Variants in PLPP3 observed in about 807,000 individuals in gnomAD.
PLPP3 encodes PAP2 beta.
In PLPP3, 6 loss-of-function variants were observed where a neutral mutation model predicts 29.6. That is an observed-to-expected ratio of 0.20 (90% CI 0.11 to 0.40). PLPP3 has a LOEUF of 0.40. PLPP3 is among the 10% of genes least tolerant of loss of function. The pLI, the probability that PLPP3 is intolerant of heterozygous loss-of-function variation, is 1.00. For synonymous variants in PLPP3, 152 were observed against 159.7 expected, an observed-to-expected ratio of 0.95 and a Z score of 0.36; for missense variants, 308 against 407.7, an observed-to-expected ratio of 0.76 and a Z score of 2.11.
At chr1:56,531,010 T>C (rs902245050) in intron 2 of PLPP3, among the ~76,000 whole-genome samples, 1 of 152,212 alleles carries the variant, frequency 6.6e-6, no homozygotes, top group African/African-American at 2.4e-5. Context: ...CTTTGACTTA[T>C]GAGTCTTGTA....
At chr1:56,533,625 G>A (rs1012960973) in intron 2 of PLPP3, among the ~76,000 whole-genome samples, 1 of 152,108 alleles carries the variant, frequency 6.6e-6, no homozygotes, top group African/African-American at 2.4e-5. Context: ...AAAGAAGAGC[G>A]TGCACATAAA....
chr1:56,528,909 T>G (rs1212734683), intron 2 of PLPP3, among the ~76,000 whole-genome samples: 2 of 150,960 alleles, frequency 1.3e-5, no homozygotes, highest in African/African-American at 4.9e-5. Flanking sequence ...CCTACTCTAC[T>G]GTTTTGTGTT....
intron 5 of PLPP3, among the ~76,000 whole-genome samples, chr1:56,499,893 G>A (rs1156701837): frequency 6.6e-6 from 1 of 152,160 alleles, no homozygotes; most frequent in East Asian, 1.9e-4. Flanking sequence ...AGGCTGGGAA[G>A]GGTCTATACA....
At chr1:56,531,731 C>T (rs1393196645) in intron 2 of PLPP3, among the ~76,000 whole-genome samples, 1 of 152,226 alleles carries the variant, frequency 6.6e-6, no homozygotes, top group African/African-American at 2.4e-5. Context: ...GGTTTTAATT[C>T]GTGTTCCCCC....
At chr1:56,564,002 G>A (rs749873630) in intron 1 of PLPP3, among the ~76,000 whole-genome samples, 2 of 152,228 alleles carry the variant, frequency 1.3e-5, no homozygotes, top group Non-Finnish European at 2.9e-5. Context: ...TACAAGGTGT[G>A]ATAATTTCAT....
intron 5 of PLPP3, among the ~76,000 whole-genome samples, chr1:56,511,453 C>T (rs550728287): frequency 6.6e-6 from 1 of 152,248 alleles, no homozygotes; most frequent in South Asian, 2.1e-4. Context: ...AGTTTAGGGT[C>T]TGTGTGAGTC....
chr1:56,554,818 C>G (rs1416774486), intron 1 of PLPP3, among the ~76,000 whole-genome samples: 4 of 152,088 alleles, frequency 2.6e-5, no homozygotes, highest in Non-Finnish European at 4.4e-5. Flanking sequence ...AGGAAAATAA[C>G]TGGGGATTTT....
At chr1:56,535,022 AC>A (rs1389505274) in intron 2 of PLPP3, among the ~76,000 whole-genome samples, 2 of 152,196 alleles carry the variant, frequency 1.3e-5, no homozygotes, top group East Asian at 3.9e-4. Context: ...CTGTCACTTC[AC>A]CATTTTTTGA....
chr1:56,510,424 C>T (rs1461121328), intron 5 of PLPP3, among the ~76,000 whole-genome samples: 1 of 152,254 alleles, frequency 6.6e-6, no homozygotes, highest in African/African-American at 2.4e-5. Context: ...GTCCAGTAGG[C>T]TGGGATTCCC....
intron 5 of PLPP3, among the ~76,000 whole-genome samples, chr1:56,498,365 C>T (rs1454716863): frequency 6.6e-6 from 1 of 152,106 alleles, no homozygotes; most frequent in Non-Finnish European, 1.5e-5. Flanking sequence ...TTTCAAGTGT[C>T]CCCAGTATAA....
At chr1:56,536,891 C>G (rs2100265662) in intron 2 of PLPP3, 64 bp downstream of exon 2, 1 of 1,581,220 alleles carries the variant, frequency 6.3e-7, no homozygotes, top group East Asian at 2.3e-5. Flanking sequence ...CTCAGACATT[C>G]TATAATATGA....
At chr1:56,525,763 C>T (rs551211960) in intron 2 of PLPP3, among the ~76,000 whole-genome samples, 1 of 152,250 alleles carries the variant, frequency 6.6e-6, no homozygotes, top group South Asian at 2.1e-4. Flanking sequence ...TACACTTGCC[C>T]TTTCAGAGGG....
At chr1:56,532,347 C>T (rs1340966366) in intron 2 of PLPP3, among the ~76,000 whole-genome samples, 1 of 152,040 alleles carries the variant, frequency 6.6e-6, no homozygotes, top group African/African-American at 2.4e-5. Flanking sequence ...CTGGGTCTCC[C>T]ACTAATGCAC....
At chr1:56,535,102 G>A (rs1413175465) in intron 2 of PLPP3, among the ~76,000 whole-genome samples, 1 of 152,152 alleles carries the variant, frequency 6.6e-6, no homozygotes, top group African/African-American at 2.4e-5. Context: ...CAAGCACTGA[G>A]TTACTTTATA....
At chr1:56,508,514 C>CT (rs1157469591) in intron 5 of PLPP3, among the ~76,000 whole-genome samples, 1 of 152,190 alleles carries the variant, frequency 6.6e-6, no homozygotes, top group Non-Finnish European at 1.5e-5. Flanking sequence ...ATACATGCTG[C>CT]TTTTTTATCA....
In PLPP3 at chr1:56,512,061, C is replaced by G; in HGVS notation, c.725G>C (p.Gly242Ala). ...CTTGTGGTCTGATACGCGAGACAGT[C>G]CCGTGTAGAAGGCCATCATGATCAA... The part of the protein sequence containing the change: ...FTLIMMAFYT[G>A]LSRVSDHKHH... The change falls in exon 5 of 6, where the codon GGA (glycine) becomes GCA (alanine). Residue 242 changes from glycine to alanine, a missense_variant. Coordinates refer to ENST00000371250, the MANE Select transcript of PLPP3 (RefSeq NM_003713.5). 6.2e-7 allele frequency: 1 copy of G among 1,613,736 alleles called. No individual in the cohort carries two copies. The highest frequency in any genetic ancestry group is 8.5e-7 in the Non-Finnish European group (1 of 1,179,846).
At chr1:56,508,665 T>C (rs139744417) in intron 5 of PLPP3, among the ~76,000 whole-genome samples, 30 of 152,318 alleles carry the variant, frequency 2.0e-4, no homozygotes, top group African/African-American at 6.7e-4. Context: ...TTCTGTCATG[T>C]GGCACAAGCA....
rs575512360 is a variant in PLPP3, at chr1:56,578,861, A to G, written c.139+17T>C. The G allele has an allele frequency of 1.5e-5, 23 of 1,536,866 alleles. No individual in the cohort carries two copies. In the African/African-American group the frequency reaches 3.1e-4, roughly 21 times the overall value. On this transcript the variant is annotated intron_variant, in intron 1 of 5. Transcript: ENST00000371250. ...ACGAGGGGCCGAGGGGCCGAGGGAC[A>G]GCGGGGCTGGGCTCACCCATGAAGA...
chr1:56,560,189 T>C (rs1246560193), intron 1 of PLPP3, among the ~76,000 whole-genome samples: 6 of 152,090 alleles, frequency 3.9e-5, no homozygotes. Flanking sequence ...CATTCATCAT[T>C]AGACCTCGAC....
Sources: gnomAD v4.1 joint callset for allele counts (sites outside exome capture counted in the v4.1 genomes callset) on GRCh38, gnomAD v4.1.1 for gene constraint, MANE v1.5 for transcripts, NCBI Gene and HGNC (gene_info 2026-07-23, HGNC 2026-07-21) for gene names.